Variants in NEDD4 observed in about 807,000 individuals in gnomAD.
The protein encoded by NEDD4 is NEDD4 E3 ubiquitin protein ligase, also known as E3 ubiquitin-protein ligase NEDD4.
A neutral mutation model predicts 144.9 loss-of-function variants in NEDD4; 99 were observed. That is an observed-to-expected ratio of 0.68 (90% CI 0.58 to 0.81). NEDD4 has a LOEUF of 0.81. Ranked by LOEUF, NEDD4 falls within the 30% of genes least tolerant of loss-of-function variation. The pLI is 0.00. For synonymous variants in NEDD4, 318 were observed against 350.6 expected (o/e 0.91, Z 1.04); for missense variants, 985 against 1,065.9 (o/e 0.92, Z 1.06).
At chr15:55,886,214 C>A (rs1022359464) in intron 5 of NEDD4, among the ~76,000 whole-genome samples, 1 of 152,016 alleles carries the variant, frequency 6.6e-6, no homozygotes, top group Non-Finnish European at 1.5e-5. Flanking sequence ...ATATTATTAG[C>A]GATAAAGAGA....
chr15:55,843,314 T>C (rs931692939), intron 18 of NEDD4, among the ~76,000 whole-genome samples: 31 of 152,222 alleles, frequency 2.0e-4, no homozygotes, highest in African/African-American at 6.5e-4. Flanking sequence ...AACAACACTA[T>C]GCGAAAGCTA....
intron 5 of NEDD4, among the ~76,000 whole-genome samples, chr15:55,894,706 T>C (rs1289665666): frequency 6.6e-6 from 1 of 152,194 alleles, no homozygotes; most frequent in Non-Finnish European, 1.5e-5. Context: ...ATTTACCTTG[T>C]CAAGTTTATC....
intron 9 of NEDD4, 44 bp downstream of exon 9, chr15:55,862,869 T>G (rs186374050): frequency 6.6e-7 from 1 of 1,517,956 alleles, no homozygotes; most frequent in East Asian, 2.3e-5. Context: ...AATTCGTAGT[T>G]AAAGTGTTTC....
intron 13 of NEDD4, 147 bp downstream of exon 13, chr15:55,852,277 A>G: frequency 1.2e-6 from 1 of 864,250 alleles, no homozygotes; most frequent in Non-Finnish European, 1.6e-6. Flanking sequence ...CCTGGGCGAC[A>G]ATACTGAGAC....
intron 2 of NEDD4, among the ~76,000 whole-genome samples, chr15:55,961,715 C>T (rs1052270555): frequency 8.6e-5 from 13 of 151,914 alleles, no homozygotes; most frequent in East Asian, 3.9e-4. Flanking sequence ...GTGATCCGCC[C>T]GCCTCAGCCT....
chr15:55,974,891 C>CTTTTTTTTTTTTTT lies in NEDD4; in HGVS notation c.46-8359_46-8346dup, dbSNP rs56285555. ...TAAGGATGTCCATTTCTTTTCCTTT[C>CTTTTTTTTTTTTTT]TTTTTTTTTTTTTTTTTTTTTGAGA... On this transcript the variant is annotated intron_variant, in intron 1 of 28. Transcript: ENST00000435532. 2.1e-3 allele frequency among the ~76,000 whole-genome samples: 156 copies of CTTTTTTTTTTTTTT among 75,698 alleles called. 14 individuals are homozygous for CTTTTTTTTTTTTTT. The highest frequency in any genetic ancestry group is 5.2e-3 in the African/African-American group (102 of 19,658). 49.7% of individuals were successfully genotyped at this position (75,698 alleles called of 152,430 possible). A position where few individuals can be genotyped will look rare whatever the true frequency, so the allele number is the denominator to read the frequency against.
At chr15:55,904,477 G>C (rs902860493) in intron 5 of NEDD4, among the ~76,000 whole-genome samples, 25 of 151,824 alleles carry the variant, frequency 1.6e-4, no homozygotes, top group Non-Finnish European at 3.1e-4. Context: ...TAATTTTTCT[G>C]TTTTCAGTAG....
chr15:55,922,236 T>C (rs1038695539), intron 5 of NEDD4, among the ~76,000 whole-genome samples: 1 of 152,174 alleles, frequency 6.6e-6, no homozygotes, highest in Admixed American at 6.5e-5. Flanking sequence ...TATAGAAAAT[T>C]ATGCATCATT....
chr15:55,924,732 G>T, intron 4 of NEDD4, 33 bp from the exon 5 acceptor site: 1 of 1,579,716 alleles, frequency 6.3e-7, no homozygotes. Context: ...TTAAAAACAA[G>T]TAAACATCAA....
At chr15:55,913,801 A>G (rs1049327178) in intron 5 of NEDD4, among the ~76,000 whole-genome samples, 3 of 152,074 alleles carry the variant, frequency 2.0e-5, no homozygotes, top group Admixed American at 1.3e-4. Flanking sequence ...TTACCACAAA[A>G]TAAACTATTT....
chr15:55,990,639 C>G lies in NEDD4; in HGVS notation c.45+2872G>C, dbSNP rs571852313. 1.4e-4 allele frequency among the ~76,000 whole-genome samples: 21 copies of G among 152,262 alleles called. No homozygotes were observed. The South Asian group carries it at 4.4e-3, about 32-fold the overall frequency. Reference sequence around the variant, plus strand: ...CCACTCTGCAAATCTCAAGTAAGTGCACTTAACTGGGGAGCCTACTTTGGA... The same window carrying G: ...CCACTCTGCAAATCTCAAGTAAGTGGACTTAACTGGGGAGCCTACTTTGGA... On this transcript the variant is annotated intron_variant, in intron 1 of 28. Transcript: ENST00000435532.
At chr15:55,920,954 G>C (rs1472333707) in intron 5 of NEDD4, among the ~76,000 whole-genome samples, 5 of 152,066 alleles carry the variant, frequency 3.3e-5, no homozygotes, top group African/African-American at 9.7e-5. Flanking sequence ...AGTTTCTCAA[G>C]AAAAGCTGTA....
At chr15:55,936,861 C>T (rs1368753586) in intron 4 of NEDD4, among the ~76,000 whole-genome samples, 10 of 151,004 alleles carry the variant, frequency 6.6e-5, no homozygotes, top group Non-Finnish European at 1.2e-4. Context: ...GGTGTGAACT[C>T]GGCTCACTGC....
rs139420567 is a variant in NEDD4, at chr15:55,947,589, A to G, written c.237+3787T>C. ...ACAGCTGAATTCTACCAAAGGTACA[A>G]GGAGCTTATCCACCATGATCAAGTG... On this transcript the variant is annotated intron_variant, in intron 4 of 28. Coordinates refer to ENST00000435532, the MANE Select transcript of NEDD4 (RefSeq NM_006154.4). 5.0e-3 allele frequency among the ~76,000 whole-genome samples: 760 copies of G among 152,342 alleles called. 6 individuals carry two copies. The highest frequency in any genetic ancestry group is 0.018 in the African/African-American group (729 of 41,586).
intron 2 of NEDD4, among the ~76,000 whole-genome samples, chr15:55,957,174 T>C (rs548037965): frequency 7.9e-5 from 12 of 152,356 alleles, no homozygotes; most frequent in Non-Finnish European, 1.3e-4. Flanking sequence ...AATTCATTTA[T>C]TAGTTCTTCC....
At chr15:55,904,833 A>G (rs189570708) in intron 5 of NEDD4, among the ~76,000 whole-genome samples, 3 of 151,870 alleles carry the variant, frequency 2.0e-5, no homozygotes, top group African/African-American at 7.2e-5. Context: ...TTGGCCAGGC[A>G]TGTAATCCCA....
At chr15:55,984,293 C>T (rs1347643773) in intron 1 of NEDD4, among the ~76,000 whole-genome samples, 1 of 152,100 alleles carries the variant, frequency 6.6e-6, no homozygotes, top group Non-Finnish European at 1.5e-5. Context: ...GTGGAAGGAC[C>T]AAGTGTTTGT....
chr15:55,933,222 C>T (rs1420313960), intron 4 of NEDD4, among the ~76,000 whole-genome samples: 1 of 151,994 alleles, frequency 6.6e-6, no homozygotes, highest in Non-Finnish European at 1.5e-5. Context: ...TATAAAGACA[C>T]ATGCACACGT....
chr15:55,976,219 G>C (rs2037697701), intron 1 of NEDD4, among the ~76,000 whole-genome samples: 1 of 152,160 alleles, frequency 6.6e-6, no homozygotes, highest in Non-Finnish European at 1.5e-5. Flanking sequence ...AGCATAACTG[G>C]ACAAATTGGA....
Sources: allele counts gnomAD v4.1 joint callset (sites outside exome capture counted in the v4.1 genomes callset), GRCh38; gene constraint gnomAD v4.1.1; transcripts MANE v1.5; gene names NCBI Gene and HGNC (gene_info 2026-07-23, HGNC 2026-07-21).